ACSL1: variants seen among roughly 807,000 people sequenced by gnomAD.
ACSL1 encodes acyl-CoA synthetase long chain family member 1, also known as long-chain-fatty-acid--CoA ligase 1.
ACSL1 carries 41 observed loss-of-function variants against 98.4 expected under a neutral mutation model. The ratio of observed to expected loss-of-function variants is 0.42; its 90% CI spans 0.32 to 0.54. The LOEUF (loss-of-function observed/expected upper bound fraction) is 0.54, where lower values mean the gene tolerates loss of function less well. ACSL1 is among the 20% of genes least tolerant of loss of function. The pLI is 0.13. For synonymous variants in ACSL1, 316 were observed against 322.7 expected, an observed-to-expected ratio of 0.98 and a Z score of 0.22; for missense variants, 734 against 883.1, an observed-to-expected ratio of 0.83 and a Z score of 2.14.
intron 12 of ACSL1, 105 bp downstream of exon 12, chr4:184,768,211 A>G (rs887547491): frequency 8.2e-6 from 10 of 1,214,352 alleles, no homozygotes; most frequent in Middle Eastern, 2.2e-4. Context: ...GATTGGGAGG[A>G]TTGTCCAGGG....
At chr4:184,810,703 C>T (rs1273805122) in intron 1 of ACSL1, among the ~76,000 whole-genome samples, 1 of 152,012 alleles carries the variant, frequency 6.6e-6, no homozygotes, top group Non-Finnish European at 1.5e-5. Flanking sequence ...TAATCTGGAA[C>T]AAACGATAGG....
At chr4:184,816,435 A>G (rs894271999) in intron 1 of ACSL1, among the ~76,000 whole-genome samples, 7 of 152,184 alleles carry the variant, frequency 4.6e-5, no homozygotes, top group African/African-American at 1.7e-4. Context: ...CCAAAATCAA[A>G]ACAAACCTAA....
rs747938511 is a variant in ACSL1, at chr4:184,788,725, C to CACT, written c.199_201dup (p.Ser67dup). 7.4e-6 allele frequency: 12 copies of CACT among 1,613,948 alleles called. No homozygotes were observed. Among genetic ancestry groups the CACT allele is most frequent in the Admixed American group, 1.7e-5 (1 of 60,004 alleles). On this transcript the variant is annotated inframe_insertion, in exon 3 of 21. Coordinates refer to ENST00000281455, the MANE Select transcript of ACSL1 (RefSeq NM_001995.5). ...AGTAGTGCGGATCTTCGTGCACCACCACTACCCTATCAAAAAAGAAAGGGG... is the reference window on the plus strand; with the variant it reads ...AGTAGTGCGGATCTTCGTGCACCACCACTACTACCCTATCAAAAAAGAAAGGGG...
chr4:184,810,856 G>A (rs1771991276), intron 1 of ACSL1, among the ~76,000 whole-genome samples: 1 of 152,176 alleles, frequency 6.6e-6, no homozygotes, highest in Non-Finnish European at 1.5e-5. Context: ...TGCGCACAGG[G>A]CTAAATGCGT....
At chr4:184,794,993 C>G (rs975756270) in intron 2 of ACSL1, among the ~76,000 whole-genome samples, 5 of 151,978 alleles carry the variant, frequency 3.3e-5, no homozygotes, top group African/African-American at 1.2e-4. Context: ...AACATCTCAT[C>G]ACCAGAAAAA....
At chr4:184,788,278 C>T (rs1236278929) in intron 3 of ACSL1, 3 of 387,084 alleles carry the variant, frequency 7.8e-6, no homozygotes, top group Admixed American at 6.9e-5. Flanking sequence ...GTCTCATGGT[C>T]AAGTAAGCAT....
chr4:184,760,502 T>C lies in ACSL1; in HGVS notation c.1639-2A>G. ...GTCGATAATTTTCAAGGTGCCATTC[T>C]GTTGATCAGAGGGGAGGGGGTTATG... is the stretch of plus-strand genomic sequence containing the variant. On this transcript the variant is annotated splice_acceptor_variant, in intron 17 of 20. Transcript: ENST00000281455. LOFTEE classifies it high-confidence loss of function. 2 of 1,614,114 alleles carry C rather than the reference T, an allele frequency of 1.2e-6. No homozygotes were observed. The highest frequency in any genetic ancestry group is 1.7e-6 in the Non-Finnish European group (2 of 1,179,978).
chr4:184,758,025 G>A lies in ACSL1; in HGVS notation c.1783-105C>T, dbSNP rs1021081020. On this transcript the variant is annotated intron_variant, in intron 18 of 20. Transcript: ENST00000281455. ...GGCCCCCTGGGAGAATATGATGAAA[G>A]TTATGGCTCATCTATTCAGAACATA... The A allele has an allele frequency of 7.1e-6, 8 of 1,119,112 alleles. No homozygotes were observed. In the Admixed American group the frequency reaches 7.6e-5, roughly 11 times the overall value. 69.3% of individuals were successfully genotyped at this position (1,119,112 alleles called of 1,614,324 possible).
intron 2 of ACSL1, among the ~76,000 whole-genome samples, chr4:184,795,193 C>T (rs1171376661): frequency 2.6e-5 from 4 of 152,268 alleles, no homozygotes; most frequent in Non-Finnish European, 5.9e-5. Flanking sequence ...TTCCCATCTA[C>T]TACCTTTGGT....
At chr4:184,809,331 T>C (rs1771794471) in intron 1 of ACSL1, among the ~76,000 whole-genome samples, 1 of 152,194 alleles carries the variant, frequency 6.6e-6, no homozygotes, top group East Asian at 1.9e-4. Context: ...AAATATCATA[T>C]ATGCCCCCCA....
intron 18 of ACSL1, chr4:184,758,890 CCT>C (rs1762483024): frequency 7.6e-6 from 1 of 132,380 alleles, no homozygotes; most frequent in African/African-American, 2.8e-5. Flanking sequence ...TAATGCTATC[CCT>C]CCCTCCCTCC....
chr4:184,755,718 A>G lies in ACSL1; in HGVS notation c.*1407T>C, dbSNP rs930830969. 1 of 152,678 alleles carries G rather than the reference A, an allele frequency of 6.5e-6. No homozygotes were observed. Among genetic ancestry groups the G allele is most frequent in the African/African-American group, 2.4e-5 (1 of 41,470 alleles). 9.5% of individuals were successfully genotyped at this position (152,678 alleles called of 1,614,324 possible). On this transcript the variant is annotated 3_prime_UTR_variant, in exon 21 of 21. Coordinates refer to ENST00000281455, the MANE Select transcript of ACSL1 (RefSeq NM_001995.5). Reference sequence around the variant, plus strand: ...AACATTCAAAACCCCAAGGTGACAAATTATTGACTTTTTGTGCAATTAAGA... The same window carrying G: ...AACATTCAAAACCCCAAGGTGACAAGTTATTGACTTTTTGTGCAATTAAGA...
At chr4:184,804,968 G>A (rs150940131) in intron 1 of ACSL1, among the ~76,000 whole-genome samples, 1,777 of 152,114 alleles carry the variant, frequency 0.012, 19 homozygotes, top group Non-Finnish European at 0.02. Flanking sequence ...GAGTGAACAG[G>A]CAACCTACAG....
chr4:184,779,109 C>T (rs974002836), intron 5 of ACSL1, among the ~76,000 whole-genome samples: 15 of 152,170 alleles, frequency 9.9e-5, no homozygotes, highest in Admixed American at 9.2e-4. Flanking sequence ...TCCAAAAGAG[C>T]TGCTCATTTA....
chr4:184,758,576 T>A (rs1762432911), intron 18 of ACSL1: 1 of 152,118 alleles, frequency 6.6e-6, no homozygotes, highest in South Asian at 2.1e-4. Context: ...AAATAAAATG[T>A]ATATAGGTTC....
chr4:184,803,341 G>T lies in ACSL1; in HGVS notation c.174C>A (p.Ser58=). The part of the protein sequence containing the change: ...PKPLKPPCDL[S]MQSVEVAGSG... ...TCACCGCCACTTCCACTGACTGCAT[G>T]GAGAGGTCGCATGGCGGCTTCAGGG... Residue 58 remains serine, a synonymous_variant, in exon 2 of 21, where the codon TCC becomes TCA. Coordinates refer to ENST00000281455, the MANE Select transcript of ACSL1 (RefSeq NM_001995.5). This position sits in a 1 kb window ranked among gnomAD's most constrained non-coding sequence, Gnocchi z 4.8. 6.2e-7 allele frequency: 1 copy of T among 1,605,032 alleles called. No homozygotes were observed. The highest frequency in any genetic ancestry group is 8.5e-7 in the Non-Finnish European group (1 of 1,175,482).
intron 2 of ACSL1, among the ~76,000 whole-genome samples, chr4:184,796,423 C>T (rs1422261702): frequency 2.6e-5 from 4 of 152,182 alleles, no homozygotes; most frequent in Non-Finnish European, 4.4e-5. Flanking sequence ...GATCGCTTGC[C>T]GCAAATGTCC....
chr4:184,769,461 T>C (rs997789410), intron 11 of ACSL1, among the ~76,000 whole-genome samples: 2 of 152,260 alleles, frequency 1.3e-5, no homozygotes, highest in Admixed American at 6.5e-5. Flanking sequence ...CATGGTTCAC[T>C]GTTTAACAAT....
intron 1 of ACSL1, among the ~76,000 whole-genome samples, chr4:184,804,845 C>T (rs368201565): frequency 2.6e-5 from 4 of 152,190 alleles, no homozygotes; most frequent in East Asian, 1.9e-4. Flanking sequence ...TACCAACGCT[C>T]TGTGATTCAT....
Sources: allele counts gnomAD v4.1 joint callset (sites outside exome capture counted in the v4.1 genomes callset), GRCh38; gene constraint gnomAD v4.1.1; non-coding constraint Gnocchi (gnomAD v3.1); transcripts MANE v1.5; gene names NCBI Gene and HGNC (gene_info 2026-07-23, HGNC 2026-07-21).